Variants in UNC13C observed in about 807,000 individuals in gnomAD.
The protein encoded by UNC13C is unc-13 homolog C, also known as protein unc-13 homolog C.
Under a neutral mutation model 245.4 loss-of-function variants are expected in UNC13C, and 174 were observed. That is an observed-to-expected ratio of 0.71 (90% CI 0.63 to 0.80). The LOEUF is 0.80. Among genes scored for constraint, UNC13C ranks in the 30% least tolerant of loss-of-function variants. The pLI is 0.00. For missense variants in UNC13C, 2,829 were observed against 2,602.9 expected, an observed-to-expected ratio of 1.09 and a Z score of -1.89; for synonymous variants, 992 against 895.1, an observed-to-expected ratio of 1.11 and a Z score of -1.93.
intron 1 of UNC13C, among the ~76,000 whole-genome samples, chr15:53,995,472 C>T (rs1894585847): frequency 6.7e-6 from 1 of 149,978 alleles, no homozygotes; most frequent in African/African-American, 2.5e-5. Flanking sequence ...CCCGCCCACC[C>T]CACCCCCCTG....
chr15:54,241,839 G>T (rs1267058582), intron 7 of UNC13C, among the ~76,000 whole-genome samples: 1 of 152,080 alleles, frequency 6.6e-6, no homozygotes, highest in African/African-American at 2.4e-5. Context: ...GCACCTGAGG[G>T]TAATTTTCCT....
At chr15:54,573,356 A>G (rs1370357485) in intron 30 of UNC13C, among the ~76,000 whole-genome samples, 1 of 152,242 alleles carries the variant, frequency 6.6e-6, no homozygotes, top group African/African-American at 2.4e-5. Flanking sequence ...GAGCCAAATA[A>G]TTCAAATATG....
intron 1 of UNC13C, among the ~76,000 whole-genome samples, chr15:54,008,863 G>C (rs574699417): frequency 3.7e-4 from 56 of 152,296 alleles, no homozygotes; most frequent in African/African-American, 1.3e-3. Context: ...TAGCTGTGCA[G>C]TTTTTGGTTG....
rs1567289113 is a variant in UNC13C, at chr15:54,455,208, T to TCTCTCTCTCC, written c.4934-39400_4934-39399insCTCTCTCTCC. On this transcript the variant is annotated intron_variant, in intron 19 of 32. Coordinates refer to ENST00000260323, the MANE Select transcript of UNC13C (RefSeq NM_001080534.3). ...CTCTCTCTCTCTCTCTCTCTCTCTA[T>TCTCTCTCTCC]ATATATATATATATATATATATATA... Among the ~76,000 whole-genome samples, 6 of 56,672 alleles carry TCTCTCTCTCC rather than the reference T, an allele frequency of 1.1e-4. 1 individual carries two copies. The highest frequency in any genetic ancestry group is 1.5e-4 in the African/African-American group (2 of 13,390). 37.2% of individuals were successfully genotyped at this position (56,672 alleles called of 152,430 possible). A position where few individuals can be genotyped will look rare whatever the true frequency, so the allele number is the denominator to read the frequency against.
the UNC13C span, among the ~76,000 whole-genome samples, chr15:53,908,490 G>C: frequency 1.0e-4 from 15 of 145,782 alleles, 2 homozygotes; most frequent in Non-Finnish European, 2.1e-4. Context: ...TGTAATCCTA[G>C]CACTTTAGGA....
At chr15:54,239,727 A>C (rs28676923) in intron 7 of UNC13C, among the ~76,000 whole-genome samples, 33,140 of 152,066 alleles carry the variant, frequency 0.22, 5,699 homozygotes, top group African/African-American at 0.47. Context: ...GCTGGGATTA[A>C]AGGTGTGAGC....
intron 19 of UNC13C, among the ~76,000 whole-genome samples, chr15:54,452,009 T>G (rs756250608): frequency 2.0e-5 from 3 of 152,236 alleles, no homozygotes; most frequent in Non-Finnish European, 4.4e-5. Context: ...GTATTATTTG[T>G]ATCATTTATT....
intron 8 of UNC13C, among the ~76,000 whole-genome samples, chr15:54,261,051 C>G (rs1004198935): frequency 2.0e-5 from 3 of 152,056 alleles, no homozygotes; most frequent in Non-Finnish European, 4.4e-5. Context: ...ATTATATTGT[C>G]TTATCTGTCA....
intron 30 of UNC13C, among the ~76,000 whole-genome samples, chr15:54,615,353 G>C (rs1002147556): frequency 6.6e-6 from 1 of 151,936 alleles, no homozygotes; most frequent in Non-Finnish European, 1.5e-5. Context: ...TGAAGCCAGG[G>C]CTGTGGGGAT....
chr15:54,038,365 C>T (rs1896679086), intron 2 of UNC13C, among the ~76,000 whole-genome samples: 1 of 151,484 alleles, frequency 6.6e-6, no homozygotes, highest in African/African-American at 2.4e-5. Flanking sequence ...TTCCTGGCCT[C>T]AAAGTGATCC....
chr15:54,318,421 A>C (rs1302845158), intron 13 of UNC13C, among the ~76,000 whole-genome samples: 1 of 151,858 alleles, frequency 6.6e-6, no homozygotes, highest in Non-Finnish European at 1.5e-5. Flanking sequence ...TAGCCATTCT[A>C]ATAGGAGTGA....
chr15:53,861,448 A>G, the UNC13C span, among the ~76,000 whole-genome samples: 1 of 131,584 alleles, frequency 7.6e-6, no homozygotes, highest in South Asian at 2.5e-4. Context: ...TTGTTTTTTT[A>G]TAAGTTCATT....
At chr15:53,934,600 C>T in the UNC13C span, among the ~76,000 whole-genome samples, 2 of 152,168 alleles carry the variant, frequency 1.3e-5, no homozygotes, top group Non-Finnish European at 2.9e-5. Flanking sequence ...TATCTCCAAT[C>T]CCTCAAATAG....
chr15:53,838,694 GA>G, the UNC13C span, among the ~76,000 whole-genome samples: 1 of 151,892 alleles, frequency 6.6e-6, no homozygotes, highest in African/African-American at 2.4e-5. Flanking sequence ...TTTTATAAGA[GA>G]AATTGACCTA....
At chr15:54,377,388 C>T (rs1188988269) in intron 17 of UNC13C, among the ~76,000 whole-genome samples, 3 of 152,188 alleles carry the variant, frequency 2.0e-5, no homozygotes, top group South Asian at 4.1e-4. Flanking sequence ...CTTAACCCTC[C>T]ACACTTGTTA....
At chr15:54,429,281 G>A (rs1002131548) in intron 19 of UNC13C, among the ~76,000 whole-genome samples, 3 of 151,636 alleles carry the variant, frequency 2.0e-5, no homozygotes, top group Non-Finnish European at 4.4e-5. Flanking sequence ...AGTATTATAC[G>A]AATGTTTTTA....
chr15:54,443,449 AT>A (rs1403070343), intron 19 of UNC13C, among the ~76,000 whole-genome samples: 2 of 151,122 alleles, frequency 1.3e-5, no homozygotes, highest in Non-Finnish European at 3.0e-5. Flanking sequence ...CTAATTTCGG[AT>A]TTGGTTTCTT....
At chr15:54,552,444 A>ATATT (rs1322358642) in intron 28 of UNC13C, among the ~76,000 whole-genome samples, 1 of 2,374 alleles carries the variant, frequency 4.2e-4, no homozygotes, top group African/African-American at 4.3e-3. Flanking sequence ...TATATATTAC[A>ATATT]ATATATAATA....
chr15:53,901,560 A>G, the UNC13C span, among the ~76,000 whole-genome samples: 7 of 152,018 alleles, frequency 4.6e-5, no homozygotes, highest in African/African-American at 7.2e-5. Flanking sequence ...GCCATAATTT[A>G]TTTAGTCCCT....
Sources: allele counts gnomAD v4.1 joint callset (sites outside exome capture counted in the v4.1 genomes callset), GRCh38; gene constraint gnomAD v4.1.1; transcripts MANE v1.5; gene names NCBI Gene and HGNC (gene_info 2026-07-23, HGNC 2026-07-21).